Variants in DGKH observed in about 807,000 individuals in gnomAD.
DGKH encodes diacylglycerol kinase eta.
In DGKH, 90 loss-of-function variants were observed where a neutral mutation model predicts 159.3. The ratio of observed to expected loss-of-function variants is 0.57; its 90% CI spans 0.48 to 0.67. The LOEUF (loss-of-function observed/expected upper bound fraction) is 0.67, where lower values mean the gene tolerates loss of function less well. Among genes scored for constraint, DGKH ranks in the 30% least tolerant of loss-of-function variants. DGKH has a pLI of 0.00. For missense variants in DGKH, 1,181 were observed against 1,506.1 expected, an observed-to-expected ratio of 0.78 and a Z score of 3.57; for synonymous variants, 536 against 553.8, an observed-to-expected ratio of 0.97 and a Z score of 0.45.
chr13:42,198,288 G>C lies in DGKH; in HGVS notation c.2168-190G>C, dbSNP rs79399807. ...TATGATAACATATAGATCCTTGGAA[G>C]TGTCAAAAGCCTTGTACTCACAAAT... On this transcript the variant is annotated intron_variant, in intron 17 of 29. Transcript: ENST00000337343. 3.8e-3 allele frequency among the ~76,000 whole-genome samples: 583 copies of C among 152,318 alleles called. 1 individual carries two copies. The highest frequency in any genetic ancestry group is 0.013 in the African/African-American group (536 of 41,566).
At chr13:42,255,382 A>G (rs1486840927) in intron 30 of DGKH, among the ~76,000 whole-genome samples, 1 of 152,170 alleles carries the variant, frequency 6.6e-6, no homozygotes, top group African/African-American at 2.4e-5. Flanking sequence ...AAGAGAACAT[A>G]TAATAAACAT....
rs1373059807 is a variant in DGKH, at chr13:42,237,042, A to C, written c.*7854A>C. 4 of 152,208 alleles carry C rather than the reference A, an allele frequency of 2.6e-5. No homozygotes were observed. The highest frequency in any genetic ancestry group is 5.9e-5 in the Non-Finnish European group (4 of 68,036). The allele number at this position is 152,208 out of a possible 1,614,324, so 9.4% of individuals were successfully genotyped here. Reference sequence around the variant, plus strand: ...TATGGATAATTGTTTGTTTCTGTCAAGTCGGTGAGATTTTAATTGTTTGAA... The same window carrying C: ...TATGGATAATTGTTTGTTTCTGTCACGTCGGTGAGATTTTAATTGTTTGAA... On this transcript the variant is annotated 3_prime_UTR_variant, in exon 30 of 30. Coordinates refer to ENST00000337343, the MANE Select transcript of DGKH (RefSeq NM_178009.5).
Position 42,198,604 on chromosome 13 carries a change from A to T in DGKH, c.2285+9A>T. On this transcript the variant is annotated intron_variant, in intron 18 of 29. Coordinates refer to ENST00000337343, the MANE Select transcript of DGKH (RefSeq NM_178009.5). ...CCGGATCTAGATTCCGTGTAAGAAA[A>T]TGCTTTTGCAAATATTTTGTTTGGG... 6.3e-7 allele frequency: 1 copy of T among 1,595,360 alleles called. No homozygotes were observed. Among genetic ancestry groups the T allele is most frequent in the Non-Finnish European group, 8.5e-7 (1 of 1,172,108 alleles).
chr13:42,130,943 G>A (rs1955276494), intron 3 of DGKH, among the ~76,000 whole-genome samples: 1 of 151,904 alleles, frequency 6.6e-6, no homozygotes, highest in South Asian at 2.1e-4. Context: ...TCAGGAGTCA[G>A]TGATGTTATA....
chr13:42,047,401 G>A (rs925729960), upstream of DGKH, among the ~76,000 whole-genome samples: 1 of 152,150 alleles, frequency 6.6e-6, no homozygotes, highest in South Asian at 2.1e-4. Context: ...CGAAAGGAAT[G>A]GTACTGAAAG....
chr13:42,214,578 A>T lies in DGKH; in HGVS notation c.3086A>T (p.His1029Leu). 1 of 1,613,768 alleles carries T rather than the reference A, an allele frequency of 6.2e-7. No individual in the cohort carries two copies. Among genetic ancestry groups the T allele is most frequent in the Non-Finnish European group, 8.5e-7 (1 of 1,179,772 alleles). The change falls in exon 25 of 30, where the codon CAT (histidine) becomes CTT (leucine). Residue 1029 changes from histidine (H) to leucine (L), a missense_variant. Coordinates refer to ENST00000337343, the MANE Select transcript of DGKH (RefSeq NM_178009.5). ...ELAHAVNACS[H>L]ALNKANPRCP... ...GCCCATGCTGTGAATGCCTGCTCCC[A>T]TGCCCTGAATAAAGCCAACCCAAGG... is the stretch of plus-strand genomic sequence containing the variant.
At chr13:42,208,173 A>T (rs532837127) in intron 21 of DGKH, among the ~76,000 whole-genome samples, 1 of 152,300 alleles carries the variant, frequency 6.6e-6, no homozygotes, top group South Asian at 2.1e-4. Flanking sequence ...AAAAATTACA[A>T]ATTACAATGT....
chr13:42,145,005 G>A (rs187001401), intron 3 of DGKH, among the ~76,000 whole-genome samples: 11 of 152,246 alleles, frequency 7.2e-5, no homozygotes, highest in East Asian at 1.9e-4. Flanking sequence ...TGATTCTTGC[G>A]GTCACTAGGT....
chr13:42,094,197 G>A (rs1269616656), intron 1 of DGKH, among the ~76,000 whole-genome samples: 5 of 151,938 alleles, frequency 3.3e-5, no homozygotes, highest in African/African-American at 1.2e-4. Flanking sequence ...GCAGCACACC[G>A]ACATGGCACA....
rs765720493 is a variant in DGKH at position 42,189,129 on chromosome 13, A to G, written c.1732A>G (p.Ile578Val). Reference protein sequence around the residue: ...APVLPGLSPLIVEEDAVESSS... With the variant: ...APVLPGLSPLVVEEDAVESSS... ...TGTTCTCCCTGGCCTCAGCCCTCTCATTGTGGAAGAAGATGCTGTGGAATC... is the reference window on the plus strand; with the variant it reads ...TGTTCTCCCTGGCCTCAGCCCTCTCGTTGTGGAAGAAGATGCTGTGGAATC... The change falls in exon 15 of 30, where the codon ATT (isoleucine) becomes GTT (valine). Residue 578 changes from isoleucine to valine, a missense_variant. By Grantham distance (29) the Ile-to-Val change is conservative (BLOSUM62 3). This residue lies in a region of DGKH where 257 missense variants were observed against 281.5 expected (regional missense o/e 0.91). Coordinates refer to ENST00000337343, the MANE Select transcript of DGKH (RefSeq NM_178009.5). 4 of 1,614,216 alleles carry G rather than the reference A, an allele frequency of 2.5e-6. No homozygotes were observed. Among genetic ancestry groups the G allele is most frequent in the South Asian group, 1.1e-5 (1 of 91,088 alleles).
At chr13:42,250,373 T>A (rs1958612940) in intron 29 of DGKH, among the ~76,000 whole-genome samples, 1 of 152,162 alleles carries the variant, frequency 6.6e-6, no homozygotes, top group South Asian at 2.1e-4. Context: ...TGTATAATGA[T>A]CAAATCAGGA....
chr13:42,125,742 TTATG>T (rs1361630109), intron 1 of DGKH, among the ~76,000 whole-genome samples: 2 of 152,236 alleles, frequency 1.3e-5, no homozygotes, highest in Non-Finnish European at 2.9e-5. Context: ...TCTCAATATA[TTATG>T]TCTTTATGGT....
intron 17 of DGKH, among the ~76,000 whole-genome samples, chr13:42,197,789 G>A (rs1463155172): frequency 6.6e-6 from 1 of 152,104 alleles, no homozygotes. Flanking sequence ...GTTCCTATTA[G>A]TTTGTCTCCT....
At chr13:42,219,945 TAA>T in intron 28 of DGKH, 151 bp downstream of exon 28, 1 of 621,922 alleles carries the variant, frequency 1.6e-6, no homozygotes, top group Non-Finnish European at 2.7e-6. Flanking sequence ...TTCTATGCTT[TAA>T]AATGGTTAAA....
At chr13:42,155,558 A>G in intron 4 of DGKH, 109 bp from the exon 5 acceptor site, 1 of 1,566,702 alleles carries the variant, frequency 6.4e-7, no homozygotes, top group Non-Finnish European at 8.7e-7. Flanking sequence ...TTTGGTTTTA[A>G]AAATGATGGA....
At chr13:42,256,365 T>C in exon 31 of DGKH, 1 of 1,586,694 alleles carries the variant, frequency 6.3e-7, no homozygotes, top group Non-Finnish European at 8.7e-7. Flanking sequence ...TCTCAAATGT[T>C]GGTGACAGCT....
At chr13:42,170,314 G>A (rs532579688) in intron 11 of DGKH, among the ~76,000 whole-genome samples, 48 of 152,216 alleles carry the variant, frequency 3.2e-4, no homozygotes, top group Admixed American at 6.5e-4. Context: ...TTGGAAGGCC[G>A]ATGTGGGAGG....
chr13:42,053,089 A>G (rs1881440038), intron 1 of DGKH, among the ~76,000 whole-genome samples: 1 of 152,094 alleles, frequency 6.6e-6, no homozygotes, highest in Non-Finnish European at 1.5e-5. Context: ...TAATCCTACC[A>G]CTTTGAGAGG....
At chr13:42,097,756 CT>C (rs1455189890) in intron 1 of DGKH, among the ~76,000 whole-genome samples, 3 of 152,128 alleles carry the variant, frequency 2.0e-5, no homozygotes, top group Admixed American at 6.5e-5. Flanking sequence ...GCAGTTGCAG[CT>C]TTCCAGAGGT....
Sources: allele counts gnomAD v4.1 joint callset (sites outside exome capture counted in the v4.1 genomes callset), GRCh38; gene constraint gnomAD v4.1.1; regional missense constraint gnomAD v4.1.1; transcripts MANE v1.5; gene names NCBI Gene and HGNC (gene_info 2026-07-23, HGNC 2026-07-21).